DNAH6: variants seen among roughly 807,000 people sequenced by gnomAD.
DNAH6 encodes the protein axonemal beta dynein heavy chain 6.
In DNAH6, 340 loss-of-function variants were observed where a neutral mutation model predicts 491.4. The ratio of observed to expected loss-of-function variants is 0.69; its 90% CI spans 0.63 to 0.76. The LOEUF (loss-of-function observed/expected upper bound fraction) is 0.76. Ranked by LOEUF, DNAH6 falls within the 30% of genes least tolerant of loss-of-function variation. The pLI is 0.00. For synonymous variants in DNAH6, 1,603 were observed against 1,686.1 expected (o/e 0.95, Z 1.21); for missense variants, 4,443 against 4,972.2 (o/e 0.89, Z 3.20).
At position 84,710,424 on chromosome 2, in the gene DNAH6, A is replaced by T; in HGVS notation, c.9378+12A>T. The stretch of plus-strand genomic sequence containing the variant: ...TCTTACTGGAAGAGGTTTGATTTTC[A>T]CTTCCTTTTCTCATGTCAGTTCCCA... On this transcript the variant is annotated intron_variant, in intron 56 of 76. Coordinates refer to ENST00000389394, the MANE Select transcript of DNAH6 (RefSeq NM_001370.2). The T allele has an allele frequency of 6.4e-7, 1 of 1,551,370 alleles. No individual in the cohort carries two copies. The highest frequency in any genetic ancestry group is 8.7e-7 in the Non-Finnish European group (1 of 1,146,734).
chr2:84,725,023 G>T (rs966336466), intron 60 of DNAH6, among the ~76,000 whole-genome samples: 8 of 152,162 alleles, frequency 5.3e-5, no homozygotes, highest in African/African-American at 1.9e-4. Flanking sequence ...ACCCCACGTT[G>T]TCTTGGGTGG....
intron 64 of DNAH6, among the ~76,000 whole-genome samples, chr2:84,769,172 T>C (rs1192379): frequency 0.22 from 33,775 of 152,198 alleles, 4,574 homozygotes; most frequent in African/African-American, 0.39. Context: ...GCCATGGGGA[T>C]GGCAGGAGCT....
intron 51 of DNAH6, among the ~76,000 whole-genome samples, chr2:84,704,936 T>C (rs1243723225): frequency 6.6e-6 from 1 of 152,184 alleles, no homozygotes; most frequent in African/African-American, 2.4e-5. Context: ...AGGTTCCCAC[T>C]GACCCTTAAA....
At chr2:84,720,765 C>G (rs1698067827) in intron 59 of DNAH6, among the ~76,000 whole-genome samples, 1 of 152,176 alleles carries the variant, frequency 6.6e-6, no homozygotes, top group Non-Finnish European at 1.5e-5. Context: ...TTCTTCCTAT[C>G]TTTATTGGTT....
intron 64 of DNAH6, among the ~76,000 whole-genome samples, chr2:84,773,384 AG>A: frequency 6.6e-6 from 1 of 152,164 alleles, no homozygotes; most frequent in African/African-American, 2.4e-5. Context: ...GTTGCTGCAA[AG>A]GACCTGATTA....
intron 70 of DNAH6, among the ~76,000 whole-genome samples, chr2:84,802,736 C>T (rs891281801): frequency 2.0e-5 from 3 of 152,100 alleles, no homozygotes; most frequent in Admixed American, 2.0e-4. Context: ...CAGAATACTC[C>T]ACCAATAACC....
At chr2:84,815,566 T>C (rs917686397) in intron 75 of DNAH6, among the ~76,000 whole-genome samples, 3 of 152,190 alleles carry the variant, frequency 2.0e-5, no homozygotes, top group Non-Finnish European at 4.4e-5. Flanking sequence ...ATTGCAGATA[T>C]ATAATCTGTC....
chr2:84,485,608 T>C, the DNAH6 span, among the ~76,000 whole-genome samples: 1 of 152,160 alleles, frequency 6.6e-6, no homozygotes, highest in Non-Finnish European at 1.5e-5. Context: ...TACTACGTGC[T>C]GCTGTAAACA....
At chr2:84,610,728 A>G (rs1558793641) in intron 21 of DNAH6, among the ~76,000 whole-genome samples, 1 of 152,238 alleles carries the variant, frequency 6.6e-6, no homozygotes, top group Non-Finnish European at 1.5e-5. Flanking sequence ...TAAGAGGGAA[A>G]AGATAACCTG....
At chr2:84,682,711 G>A (rs6729553) in intron 42 of DNAH6, among the ~76,000 whole-genome samples, 113,685 of 152,078 alleles carry the variant, frequency 0.75, 42,914 homozygotes, top group East Asian at 0.92. Flanking sequence ...TCCACAAATA[G>A]TCCTGACAGC....
At chr2:84,780,240 GT>G (rs1198813244) in intron 64 of DNAH6, among the ~76,000 whole-genome samples, 1 of 152,152 alleles carries the variant, frequency 6.6e-6, no homozygotes, top group Non-Finnish European at 1.5e-5. Flanking sequence ...TACCCGAGTT[GT>G]TTACCTTTTC....
intron 56 of DNAH6, 43 bp from the exon 57 acceptor site, chr2:84,713,052 A>C (rs1304294536): frequency 2.0e-6 from 3 of 1,507,816 alleles, no homozygotes; most frequent in Non-Finnish European, 2.7e-6. Flanking sequence ...ATCCATTTTA[A>C]TTGCTTCTTT....
At chr2:84,571,434 C>G (rs1056312152) in intron 11 of DNAH6, among the ~76,000 whole-genome samples, 1 of 152,148 alleles carries the variant, frequency 6.6e-6, no homozygotes, top group African/African-American at 2.4e-5. Context: ...AATGAGACAA[C>G]AAATGCCTTG....
chr2:84,520,948 G>C (rs540370595), intron 2 of DNAH6, among the ~76,000 whole-genome samples: 4 of 151,936 alleles, frequency 2.6e-5, no homozygotes, highest in African/African-American at 9.7e-5. Context: ...TTACTGGCTC[G>C]AATGGGAGTT....
chr2:84,476,052 C>A, the DNAH6 span, among the ~76,000 whole-genome samples: 1 of 152,116 alleles, frequency 6.6e-6, no homozygotes, highest in Admixed American at 6.5e-5. Flanking sequence ...CTTCGTCAGC[C>A]CACCAGGTTT....
chr2:84,544,154 T>A (rs1036687835), intron 4 of DNAH6, 79 bp from the exon 5 acceptor site: 1 of 742,114 alleles, frequency 1.3e-6, no homozygotes, highest in Non-Finnish European at 2.0e-6. Flanking sequence ...TTTATCTCTG[T>A]AGAATAAAAA....
intron 5 of DNAH6, among the ~76,000 whole-genome samples, chr2:84,544,826 T>C (rs1246543109): frequency 6.6e-6 from 1 of 152,172 alleles, no homozygotes; most frequent in Admixed American, 6.6e-5. Flanking sequence ...AGTAGGCTGG[T>C]AGCCTCTATT....
At chr2:84,636,857 T>G (rs762611989) in intron 30 of DNAH6, among the ~76,000 whole-genome samples, 2 of 151,582 alleles carry the variant, frequency 1.3e-5, no homozygotes, top group Non-Finnish European at 2.9e-5. Flanking sequence ...TCATGCCACT[T>G]GCACCCCAAC....
intron 5 of DNAH6, among the ~76,000 whole-genome samples, 186 bp downstream of exon 5, chr2:84,544,686 A>G (rs1678602981): frequency 1.3e-5 from 2 of 152,142 alleles, no homozygotes; most frequent in South Asian, 4.1e-4. Context: ...CATTTTAACT[A>G]GGGTTGCAAA....
Sources: gnomAD v4.1 joint callset for allele counts (sites outside exome capture counted in the v4.1 genomes callset) on GRCh38, gnomAD v4.1.1 for gene constraint, MANE v1.5 for transcripts, NCBI Gene and HGNC (gene_info 2026-07-23, HGNC 2026-07-21) for gene names.